The following RIMS1 variants were observed in gnomAD, a reference collection of about 807,000 sequenced individuals.
RIMS1 encodes the protein regulating synaptic membrane exocytosis 1, also known as regulating synaptic membrane exocytosis protein 1.
Under a neutral mutation model 214.1 loss-of-function variants are expected in RIMS1, and 83 were observed. The observed-to-expected ratio is 0.39, with a 90% confidence interval of 0.32 to 0.47. The LOEUF is 0.47. RIMS1 is among the 20% of genes least tolerant of loss of function. RIMS1 has a pLI of 0.99. For missense variants in RIMS1, 2,050 were observed against 2,161.8 expected (o/e 0.95, Z 1.03); for synonymous variants, 793 against 786.8 (o/e 1.01, Z -0.13).
intron 2 of RIMS1, among the ~76,000 whole-genome samples, chr6:72,007,634 C>T (rs1022899115): frequency 2.0e-5 from 3 of 152,140 alleles, no homozygotes; most frequent in Non-Finnish European, 4.4e-5. Context: ...CTTAAAGGAC[C>T]TGATGGAGCT....
At chr6:72,297,409 A>G (rs2094200598) in intron 26 of RIMS1, among the ~76,000 whole-genome samples, 1 of 152,052 alleles carries the variant, frequency 6.6e-6, no homozygotes, top group Non-Finnish European at 1.5e-5. Flanking sequence ...TCCAAAAGAA[A>G]GAAAAATGTA....
chr6:71,905,247 C>A (rs1390943457), intron 1 of RIMS1, among the ~76,000 whole-genome samples: 1 of 151,902 alleles, frequency 6.6e-6, no homozygotes, highest in Non-Finnish European at 1.5e-5. Flanking sequence ...GTCCAAATAT[C>A]TCCACTAAAT....
At chr6:72,188,322 A>G (rs2049472913) in intron 6 of RIMS1, among the ~76,000 whole-genome samples, 1 of 152,212 alleles carries the variant, frequency 6.6e-6, no homozygotes, top group Non-Finnish European at 1.5e-5. Flanking sequence ...TCAAATAAAG[A>G]CAATAATAAG....
chr6:72,056,835 A>T (rs1244371249), intron 2 of RIMS1, among the ~76,000 whole-genome samples: 2 of 152,212 alleles, frequency 1.3e-5, no homozygotes, highest in Admixed American at 1.3e-4. Context: ...AGATTACCTA[A>T]ACTATATACA....
intron 23 of RIMS1, among the ~76,000 whole-genome samples, chr6:72,275,128 A>G (rs2085561532): frequency 2.8e-3 from 1 of 356 alleles, no homozygotes; most frequent in Non-Finnish European, 4.6e-3. Context: ...TGGTATATAT[A>G]TATATATATA....
chr6:71,890,596 A>AAAAAAAAAAAAAAAAAAAAC (rs1554194854), intron 1 of RIMS1, among the ~76,000 whole-genome samples: 2 of 112,950 alleles, frequency 1.8e-5, no homozygotes, highest in Non-Finnish European at 3.6e-5. Context: ...AAAAAAAAAA[A>AAAAAAAAAAAAAAAAAAAAC]ACTTCATAGA....
intron 6 of RIMS1, among the ~76,000 whole-genome samples, chr6:72,226,363 A>G (rs2060176392): frequency 5.9e-5 from 9 of 152,018 alleles, no homozygotes; most frequent in Admixed American, 5.9e-4. Flanking sequence ...TAATCTGATG[A>G]CTGATGTTTA....
intron 24 of RIMS1, among the ~76,000 whole-genome samples, chr6:72,286,161 C>T (rs893575171): frequency 6.6e-6 from 1 of 150,816 alleles, no homozygotes; most frequent in African/African-American, 2.4e-5. Flanking sequence ...TGCGCCATTG[C>T]ACTCCAGCCT....
At chr6:72,018,036 G>A (rs1167619997) in intron 2 of RIMS1, among the ~76,000 whole-genome samples, 1 of 152,144 alleles carries the variant, frequency 6.6e-6, no homozygotes, top group Non-Finnish European at 1.5e-5. Flanking sequence ...CACTTGAAGA[G>A]TTTGGCCTGA....
intron 1 of RIMS1, among the ~76,000 whole-genome samples, chr6:71,922,984 T>G (rs1780475388): frequency 6.6e-6 from 1 of 152,132 alleles, no homozygotes; most frequent in African/African-American, 2.4e-5. Flanking sequence ...AAAATTAGTG[T>G]TTAATTGGCT....
chr6:72,168,415 A>G (rs1436899146), intron 4 of RIMS1, among the ~76,000 whole-genome samples: 1 of 152,174 alleles, frequency 6.6e-6, no homozygotes, highest in Non-Finnish European at 1.5e-5. Context: ...TGAAGTTTGG[A>G]CTGGGGTTTT....
intron 4 of RIMS1, among the ~76,000 whole-genome samples, chr6:72,162,315 C>T (rs1417881713): frequency 2.9e-5 from 4 of 140,206 alleles, no homozygotes; most frequent in African/African-American, 9.9e-5. Context: ...GAATAGAGCA[C>T]ACTGATGGGT....
At chr6:72,257,539 A>G (rs2076394329) in intron 16 of RIMS1, among the ~76,000 whole-genome samples, 1 of 152,110 alleles carries the variant, frequency 6.6e-6, no homozygotes, top group Non-Finnish European at 1.5e-5. Flanking sequence ...GTCATATACT[A>G]CATTTGAAAA....
intron 1 of RIMS1, among the ~76,000 whole-genome samples, chr6:71,890,569 G>GAAA (rs1769364454): frequency 5.1e-5 from 1 of 19,566 alleles, no homozygotes; most frequent in Non-Finnish European, 8.1e-5. Flanking sequence ...ACTCCTTTTT[G>GAAA]TAAAAAAAAA....
At chr6:72,148,188 A>G (rs959301435) in intron 4 of RIMS1, among the ~76,000 whole-genome samples, 22 of 152,212 alleles carry the variant, frequency 1.4e-4, no homozygotes, top group African/African-American at 5.1e-4. Context: ...CAGGGACACA[A>G]TTAACCATCT....
intron 2 of RIMS1, among the ~76,000 whole-genome samples, chr6:71,991,801 C>T (rs1156609071): frequency 6.6e-6 from 1 of 152,174 alleles, no homozygotes; most frequent in South Asian, 2.1e-4. Context: ...CAGTGGCTCA[C>T]GCCTGCAATC....
intron 17 of RIMS1, 85 bp from the exon 18 acceptor site, chr6:72,258,901 A>C: frequency 8.1e-7 from 1 of 1,241,578 alleles, no homozygotes; most frequent in Non-Finnish European, 1.2e-6. Flanking sequence ...TTTGCATATT[A>C]CTCTCAGTTC....
chr6:72,195,254 A>G (rs1200951644), intron 6 of RIMS1, among the ~76,000 whole-genome samples: 1 of 152,204 alleles, frequency 6.6e-6, no homozygotes, highest in Non-Finnish European at 1.5e-5. Context: ...GAGAAAGTAC[A>G]ACACAAATTA....
intron 19 of RIMS1, chr6:72,262,055 A>G: frequency 1.0e-6 from 1 of 984,940 alleles, no homozygotes; most frequent in Non-Finnish European, 1.2e-6. Context: ...AATAAAAAAC[A>G]TGCACACAAA....
Sources: allele counts gnomAD v4.1 joint callset (sites outside exome capture counted in the v4.1 genomes callset), GRCh38; gene constraint gnomAD v4.1.1; transcripts MANE v1.5; gene names NCBI Gene and HGNC (gene_info 2026-07-23, HGNC 2026-07-21).